IL1RAPL1: variants seen among roughly 807,000 people sequenced by gnomAD.
The protein encoded by IL1RAPL1 is interleukin-1 receptor accessory protein-like 1.
A neutral mutation model predicts 48.4 loss-of-function variants in IL1RAPL1; 3 were observed. That is an observed-to-expected ratio of 0.06 (90% CI 0.03 to 0.16). IL1RAPL1 has a LOEUF of 0.16. Ranked by LOEUF, IL1RAPL1 falls within the 10% of genes least tolerant of loss-of-function variation. IL1RAPL1 has a pLI of 1.00. For synonymous variants in IL1RAPL1, 185 were observed against 187.7 expected (o/e 0.99, Z 0.12); for missense variants, 349 against 530.6 (o/e 0.66, Z 3.36).
intron 2 of IL1RAPL1, among the ~76,000 whole-genome samples, chrX:29,230,534 A>C (rs567702391): frequency 2.9e-4 from 29 of 101,189 alleles, no homozygotes; most frequent in South Asian, 2.3e-3. Context: ...AAAAAAAAAA[A>C]ACCTTGTTGT....
At chrX:29,371,024 C>T (rs1195601463) in intron 3 of IL1RAPL1, among the ~76,000 whole-genome samples, 1 of 109,066 alleles carries the variant, frequency 9.2e-6, no homozygotes, top group Non-Finnish European at 1.9e-5. Flanking sequence ...CATTCAAAAT[C>T]TGCTCTTCTA....
chrX:29,905,556 G>A (rs1324358641), intron 6 of IL1RAPL1, among the ~76,000 whole-genome samples: 4 of 110,977 alleles, frequency 3.6e-5, no homozygotes, highest in Non-Finnish European at 7.5e-5. Context: ...AAAGGTGTAA[G>A]GAAGGGGTCC....
At chrX:29,279,601 C>A (rs137908997) in intron 2 of IL1RAPL1, among the ~76,000 whole-genome samples, 318 of 111,616 alleles carry the variant, frequency 2.8e-3, no homozygotes, top group African/African-American at 0.01. Flanking sequence ...TAGATCCTCC[C>A]TCTGTTTCCA....
At chrX:29,588,032 G>A (rs754514755) in intron 5 of IL1RAPL1, among the ~76,000 whole-genome samples, 19 of 112,507 alleles carry the variant, frequency 1.7e-4, no homozygotes, top group Non-Finnish European at 2.8e-4. Flanking sequence ...AAATCTTGTG[G>A]CAATGCTTAC....
intron 2 of IL1RAPL1, among the ~76,000 whole-genome samples, chrX:29,237,252 C>T (rs1931327768): frequency 8.9e-6 from 1 of 111,912 alleles, no homozygotes; most frequent in Non-Finnish European, 1.9e-5. Flanking sequence ...AGAGTCCTGC[C>T]AATCTTGCAA....
chrX:29,895,606 T>TTAA (rs1377062726), intron 6 of IL1RAPL1, among the ~76,000 whole-genome samples: 1 of 112,969 alleles, frequency 8.9e-6, no homozygotes, highest in Non-Finnish European at 1.9e-5. Context: ...TTCTCAGTAT[T>TTAA]TAATAGTGAA....
intron 6 of IL1RAPL1, among the ~76,000 whole-genome samples, chrX:29,812,621 A>G (rs182525413): frequency 3.6e-5 from 4 of 111,534 alleles, no homozygotes; most frequent in Admixed American, 2.9e-4. Flanking sequence ...AGTAAATAAA[A>G]AAGTGATTTT....
intron 5 of IL1RAPL1, among the ~76,000 whole-genome samples, chrX:29,655,529 G>C (rs996958688): frequency 1.8e-5 from 2 of 109,253 alleles, no homozygotes; most frequent in Admixed American, 2.0e-4. Context: ...CAGGCGTGGT[G>C]GTGGGCGCCT....
At chrX:28,721,549 G>T (rs150244016) in intron 1 of IL1RAPL1, among the ~76,000 whole-genome samples, 2,033 of 111,340 alleles carry the variant, frequency 0.018, 41 homozygotes, top group African/African-American at 0.063. Context: ...TAGGTTGCCT[G>T]TGCACTCTGA....
At chrX:29,203,360 T>C (rs145427734) in intron 2 of IL1RAPL1, among the ~76,000 whole-genome samples, 91 of 111,798 alleles carry the variant, frequency 8.1e-4, no homozygotes, top group Non-Finnish European at 1.5e-3. Flanking sequence ...ATCAGGGCAG[T>C]TGGGATAACC....
intron 6 of IL1RAPL1, among the ~76,000 whole-genome samples, chrX:29,906,460 AATATATATATATATATATATATATAT>A (rs1164023016): frequency 0.027 from 803 of 29,868 alleles, 39 homozygotes; most frequent in African/African-American, 0.045. Flanking sequence ...TAACTTTGTA[AATATATATATATATATATATATATAT>A]ATATATATAT....
intron 2 of IL1RAPL1, among the ~76,000 whole-genome samples, chrX:29,146,443 A>G (rs1229543062): frequency 2.7e-5 from 3 of 111,143 alleles, no homozygotes; most frequent in African/African-American, 9.8e-5. Context: ...TCACCATGTA[A>G]TTTACTATAG....
intron 2 of IL1RAPL1, among the ~76,000 whole-genome samples, chrX:28,988,932 G>A (rs1925538576): frequency 9.0e-6 from 1 of 111,398 alleles, no homozygotes; most frequent in Non-Finnish European, 1.9e-5. Flanking sequence ...TATAAGAGAA[G>A]GAAAGTTTCA....
intron 5 of IL1RAPL1, among the ~76,000 whole-genome samples, chrX:29,449,012 C>T (rs1157545133): frequency 3.6e-5 from 4 of 111,238 alleles, no homozygotes; most frequent in Non-Finnish European, 7.5e-5. Context: ...CCCAAAGGCC[C>T]CACCTCCAAA....
At chrX:29,203,875 G>A (rs1355595589) in intron 2 of IL1RAPL1, among the ~76,000 whole-genome samples, 6 of 107,349 alleles carry the variant, frequency 5.6e-5, no homozygotes, top group African/African-American at 2.1e-4. Flanking sequence ...ACCCTCCCAA[G>A]TCTCTGGCAG....
At chrX:29,810,180 T>C in intron 6 of IL1RAPL1, among the ~76,000 whole-genome samples, 1 of 109,175 alleles carries the variant, frequency 9.2e-6, no homozygotes, top group Non-Finnish European at 1.9e-5. Flanking sequence ...TATTTATTTA[T>C]TTATTTTTAT....
At chrX:28,724,739 GT>G (rs1219521414) in intron 1 of IL1RAPL1, among the ~76,000 whole-genome samples, 1 of 111,063 alleles carries the variant, frequency 9.0e-6, no homozygotes, top group Non-Finnish European at 1.9e-5. Flanking sequence ...GGTACTGGTT[GT>G]TTCTTTCCAT....
intron 6 of IL1RAPL1, among the ~76,000 whole-genome samples, chrX:29,726,830 TA>T (rs915700011): frequency 1.5e-4 from 16 of 110,168 alleles, no homozygotes; most frequent in Admixed American, 2.9e-4. Context: ...AAAATAAAAA[TA>T]AAAAAAGAGA....
intron 1 of IL1RAPL1, among the ~76,000 whole-genome samples, chrX:28,694,430 G>A (rs1335949683): frequency 8.9e-6 from 1 of 112,025 alleles, no homozygotes; most frequent in Non-Finnish European, 1.9e-5. Context: ...AGGCAGGCAT[G>A]AGGATATTGC....
Sources: allele counts gnomAD v4.1 joint callset (sites outside exome capture counted in the v4.1 genomes callset), GRCh38; gene constraint gnomAD v4.1.1; transcripts MANE v1.5; gene names NCBI Gene and HGNC (gene_info 2026-07-23, HGNC 2026-07-21).